GMDS: variants seen among roughly 807,000 people sequenced by gnomAD.
GMDS encodes the protein GDP-mannose 4,6-dehydratase.
Under a neutral mutation model 49.9 loss-of-function variants are expected in GMDS, and 20 were observed. The ratio of observed to expected loss-of-function variants is 0.40; its 90% CI spans 0.28 to 0.58. The LOEUF is 0.58. Ranked by LOEUF, GMDS falls within the 20% of genes least tolerant of loss-of-function variation. The pLI, the probability that GMDS is intolerant of heterozygous loss-of-function variation, is 0.42. For missense variants in GMDS, 362 were observed against 481.4 expected (o/e 0.75, Z 2.32); for synonymous variants, 177 against 178.6 (o/e 0.99, Z 0.07).
At chr6:1,967,302 G>A (rs1313349041) in intron 4 of GMDS, among the ~76,000 whole-genome samples, 1 of 152,212 alleles carries the variant, frequency 6.6e-6, no homozygotes, top group Non-Finnish European at 1.5e-5. Context: ...GTTCTCCGCA[G>A]TGTCTCCCAT....
chr6:2,218,708 T>G (rs1456123954), intron 1 of GMDS, among the ~76,000 whole-genome samples: 2 of 152,214 alleles, frequency 1.3e-5, no homozygotes, highest in Non-Finnish European at 2.9e-5. Context: ...TCTATATATC[T>G]TAATGTGCAT....
At chr6:1,740,001 G>T (rs553887719) in intron 8 of GMDS, among the ~76,000 whole-genome samples, 1 of 152,008 alleles carries the variant, frequency 6.6e-6, no homozygotes, top group East Asian at 1.9e-4. Context: ...ATCATCCTTC[G>T]CAACTTTTGG....
At chr6:2,067,438 G>C (rs1314371635) in intron 4 of GMDS, among the ~76,000 whole-genome samples, 1 of 151,260 alleles carries the variant, frequency 6.6e-6, no homozygotes, top group Non-Finnish European at 1.5e-5. Flanking sequence ...AGGAAATAGA[G>C]ACACAAAAAA....
At chr6:2,208,343 C>T (rs1408318153) in intron 1 of GMDS, among the ~76,000 whole-genome samples, 1 of 152,216 alleles carries the variant, frequency 6.6e-6, no homozygotes, top group African/African-American at 2.4e-5. Context: ...GTGCAGTTAG[C>T]TTATCTACAT....
chr6:1,809,573 C>T (rs2113676708), intron 7 of GMDS, among the ~76,000 whole-genome samples: 1 of 152,232 alleles, frequency 6.6e-6, no homozygotes, highest in East Asian at 1.9e-4. Context: ...GAAAAAGTGC[C>T]TCTACGTGGC....
intron 7 of GMDS, among the ~76,000 whole-genome samples, chr6:1,878,927 C>G (rs2113819077): frequency 6.6e-6 from 1 of 152,320 alleles, no homozygotes; most frequent in South Asian, 2.1e-4. Flanking sequence ...ATCAGCCTCA[C>G]CACTGGTGAT....
intron 1 of GMDS, chr6:2,175,967 G>A (rs531826134): frequency 9.4e-5 from 144 of 1,528,908 alleles, no homozygotes; most frequent in African/African-American, 2.1e-4. Flanking sequence ...CAATGGTAAC[G>A]CTCCCAACAA....
rs1763292422 is a variant in GMDS, at chr6:1,640,355, G to A, written c.988-15815C>T. Among the ~76,000 whole-genome samples the A allele has an allele frequency of 6.6e-6, 1 of 152,188 alleles. No individual in the cohort carries two copies. The highest frequency in any genetic ancestry group is 1.5e-5 in the Non-Finnish European group (1 of 68,034). On this transcript the variant is annotated intron_variant, in intron 9 of 10. Coordinates refer to ENST00000380815, the MANE Select transcript of GMDS (RefSeq NM_001500.4). This position sits in a 1 kb window ranked among gnomAD's most constrained non-coding sequence, Gnocchi z 4.0. The stretch of plus-strand genomic sequence containing the variant: ...CACTAGATTCACCACGTTTGAGGTG[G>A]CTTGGTGTCCTCATCCTCAGGCATG...
chr6:2,149,163 G>A (rs1012496428), intron 1 of GMDS, among the ~76,000 whole-genome samples: 1 of 151,872 alleles, frequency 6.6e-6, no homozygotes, highest in Admixed American at 6.6e-5. Flanking sequence ...AGATGATTAA[G>A]GGCTTTATCT....
intron 7 of GMDS, among the ~76,000 whole-genome samples, chr6:1,849,758 G>C (rs1264734704): frequency 6.6e-6 from 1 of 152,060 alleles, no homozygotes; most frequent in Non-Finnish European, 1.5e-5. Flanking sequence ...ATTATGTCTA[G>C]AGACTCGACA....
intron 1 of GMDS, among the ~76,000 whole-genome samples, chr6:2,156,184 A>G (rs1384466041): frequency 6.6e-6 from 1 of 152,156 alleles, no homozygotes; most frequent in East Asian, 1.9e-4. Flanking sequence ...AATATATTAT[A>G]GAGCGTCTTG....
At chr6:2,019,487 T>C (rs946409527) in intron 4 of GMDS, among the ~76,000 whole-genome samples, 2 of 152,044 alleles carry the variant, frequency 1.3e-5, no homozygotes, top group South Asian at 2.1e-4. Context: ...TTTCCTTTTT[T>C]AGTCTCACTC....
intron 9 of GMDS, among the ~76,000 whole-genome samples, chr6:1,683,181 T>A (rs1242383618): frequency 1.3e-5 from 2 of 152,164 alleles, no homozygotes; most frequent in Non-Finnish European, 2.9e-5. Context: ...TGGAGTGCAG[T>A]GGTGCAATCT....
chr6:1,796,604 T>C (rs1036235151), intron 7 of GMDS, among the ~76,000 whole-genome samples: 8 of 152,328 alleles, frequency 5.3e-5, no homozygotes, highest in Admixed American at 2.6e-4. Flanking sequence ...ACCCTCAAAA[T>C]TTATTTCAAT....
chr6:1,718,691 T>C (rs950717138), intron 9 of GMDS, among the ~76,000 whole-genome samples: 1 of 151,998 alleles, frequency 6.6e-6, no homozygotes, highest in South Asian at 2.1e-4. Flanking sequence ...GGGACTTACC[T>C]CTACGGTAAT....
At position 1,770,178 on chromosome 6, in the gene GMDS, A is replaced by G. The variant is rs61222831; in HGVS notation, c.772-27592T>C. 5.0e-3 allele frequency among the ~76,000 whole-genome samples: 765 copies of G among 152,332 alleles called. 7 individuals are homozygous for G. The highest frequency in any genetic ancestry group is 0.018 in the African/African-American group (733 of 41,566). The stretch of plus-strand genomic sequence containing the variant: ...TTTGAGAATCTGATGAAAAATGAGG[A>G]TATCTTCTTCCCTGAGAACTGCACA... On this transcript the variant is annotated intron_variant, in intron 7 of 10. Transcript: ENST00000380815.
intron 7 of GMDS, among the ~76,000 whole-genome samples, chr6:1,888,138 T>TTA (rs1554130182): frequency 7.1e-6 from 1 of 141,714 alleles, no homozygotes; most frequent in East Asian, 2.0e-4. Flanking sequence ...ATTATTATTT[T>TTA]TTTTTTTTTT....
At chr6:1,877,488 A>G (rs931971764) in intron 7 of GMDS, among the ~76,000 whole-genome samples, 1 of 151,902 alleles carries the variant, frequency 6.6e-6, no homozygotes, top group African/African-American at 2.4e-5. Flanking sequence ...AAAAATAAAA[A>G]TTAGCCAGGC....
intron 4 of GMDS, among the ~76,000 whole-genome samples, chr6:2,077,220 C>A (rs144372754): frequency 1.6e-3 from 247 of 152,084 alleles, no homozygotes; most frequent in African/African-American, 5.2e-3. Flanking sequence ...AATAAGATCA[C>A]GTCATCTCAA....
Sources: allele counts gnomAD v4.1 joint callset (sites outside exome capture counted in the v4.1 genomes callset), GRCh38; gene constraint gnomAD v4.1.1; non-coding constraint Gnocchi (gnomAD v3.1); transcripts MANE v1.5; gene names NCBI Gene and HGNC (gene_info 2026-07-23, HGNC 2026-07-21).